The following DGKI variants were observed in gnomAD, a reference collection of about 807,000 sequenced individuals.
The protein encoded by DGKI is DAG kinase iota.
Under a neutral mutation model 147.5 loss-of-function variants are expected in DGKI, and 55 were observed. The observed-to-expected ratio is 0.37, with a 90% CI of 0.30 to 0.47. The LOEUF is 0.47. Ranked by LOEUF, DGKI falls within the 20% of genes least tolerant of loss-of-function variation. The probability of loss-of-function intolerance (pLI) is 1.00; values close to 1 mark genes in which losing one functional copy is unlikely to be tolerated. For missense variants in DGKI, 1,007 were observed against 1,323.8 expected, an observed-to-expected ratio of 0.76 and a Z score of 3.71; for synonymous variants, 469 against 477.1, an observed-to-expected ratio of 0.98 and a Z score of 0.22.
intron 2 of DGKI, among the ~76,000 whole-genome samples, chr7:137,679,812 A>C (rs2116399636): frequency 6.6e-6 from 1 of 151,824 alleles, no homozygotes; most frequent in South Asian, 2.1e-4. Flanking sequence ...ACATGGTGAA[A>C]CCTCATCTCA....
At chr7:137,678,464 G>T in intron 3 of DGKI, 93 bp downstream of exon 3, 1 of 1,256,822 alleles carries the variant, frequency 8.0e-7, no homozygotes, top group Non-Finnish European at 1.2e-6. Flanking sequence ...GGACAGGCTC[G>T]TTCAAACCTC....
intron 1 of DGKI, among the ~76,000 whole-genome samples, chr7:137,826,014 T>C (rs150660101): frequency 7.7e-4 from 118 of 152,346 alleles, no homozygotes; most frequent in African/African-American, 2.7e-3. Context: ...TTATTAACAA[T>C]TGGATTTAGT....
At chr7:137,781,654 C>A (rs1266975422) in intron 1 of DGKI, among the ~76,000 whole-genome samples, 1 of 152,208 alleles carries the variant, frequency 6.6e-6, no homozygotes, top group Admixed American at 6.5e-5. Flanking sequence ...AATTCTAAAT[C>A]AACTCCAGTG....
At chr7:137,556,985 G>A (rs1415087986) in intron 19 of DGKI, among the ~76,000 whole-genome samples, 1 of 151,394 alleles carries the variant, frequency 6.6e-6, no homozygotes, top group Non-Finnish European at 1.5e-5. Context: ...ACTCTAAAAA[G>A]AAAAAAGAAG....
intron 21 of DGKI, among the ~76,000 whole-genome samples, chr7:137,517,279 A>AAAAGAAAGAAAG (rs3051933): frequency 0.023 from 1,821 of 79,678 alleles, 35 homozygotes; most frequent in East Asian, 0.033. Context: ...AAAGAAAAGA[A>AAAAGAAAGAAAG]AAAGAAAGAA....
At chr7:137,591,291 A>G (rs1819601151) in intron 12 of DGKI, among the ~76,000 whole-genome samples, 1 of 152,120 alleles carries the variant, frequency 6.6e-6, no homozygotes, top group African/African-American at 2.4e-5. Flanking sequence ...CAAATATGTC[A>G]TTGTCTCCTG....
chr7:137,768,081 T>C (rs1295647415), intron 1 of DGKI, among the ~76,000 whole-genome samples: 1 of 152,094 alleles, frequency 6.6e-6, no homozygotes, highest in Non-Finnish European at 1.5e-5. Context: ...TTGATCTACA[T>C]ATATGAGGAA....
chr7:137,667,846 T>C (rs1473448330), intron 3 of DGKI, among the ~76,000 whole-genome samples: 1 of 152,168 alleles, frequency 6.6e-6, no homozygotes, highest in Non-Finnish European at 1.5e-5. Flanking sequence ...ATGTTTTCAC[T>C]GACACATACA....
intron 3 of DGKI, among the ~76,000 whole-genome samples, chr7:137,670,014 A>T (rs1822785479): frequency 6.6e-6 from 1 of 152,180 alleles, no homozygotes; most frequent in African/African-American, 2.4e-5. Flanking sequence ...TCCACTCAAA[A>T]AAAAAGTAGG....
intron 21 of DGKI, among the ~76,000 whole-genome samples, chr7:137,519,727 G>C (rs771159871): frequency 1.3e-5 from 2 of 152,044 alleles, no homozygotes; most frequent in Non-Finnish European, 2.9e-5. Context: ...CCAGGCAAAA[G>C]AGTAAAGGTT....
At chr7:137,640,303 G>C (rs1006651303) in intron 6 of DGKI, among the ~76,000 whole-genome samples, 1 of 152,168 alleles carries the variant, frequency 6.6e-6, no homozygotes, top group South Asian at 2.1e-4. Flanking sequence ...TAGGAGCAGA[G>C]AGTAGAACAG....
At chr7:137,724,356 T>C (rs1300148664) in intron 1 of DGKI, among the ~76,000 whole-genome samples, 1 of 152,148 alleles carries the variant, frequency 6.6e-6, no homozygotes, top group Non-Finnish European at 1.5e-5. Flanking sequence ...CATCTTTATG[T>C]TTTCAAGGGT....
At chr7:137,650,076 TTAGTAG>T (rs1486399818) in intron 5 of DGKI, among the ~76,000 whole-genome samples, 4 of 152,196 alleles carry the variant, frequency 2.6e-5, no homozygotes, top group African/African-American at 9.6e-5. Flanking sequence ...AACATCTGAA[TTAGTAG>T]TAGTAAGAAT....
At chr7:137,607,453 A>C (rs1204401682) in intron 10 of DGKI, among the ~76,000 whole-genome samples, 1 of 152,210 alleles carries the variant, frequency 6.6e-6, no homozygotes, top group Non-Finnish European at 1.5e-5. Context: ...ATTTACACAT[A>C]GACTGGAATA....
intron 21 of DGKI, among the ~76,000 whole-genome samples, chr7:137,492,652 A>C (rs1815810538): frequency 6.6e-6 from 1 of 152,114 alleles, no homozygotes; most frequent in Admixed American, 6.5e-5. Context: ...GCCAGTGTGG[A>C]GCCCAGAGGG....
chr7:137,821,358 G>GA (rs1008191452), intron 1 of DGKI, among the ~76,000 whole-genome samples: 2 of 151,740 alleles, frequency 1.3e-5, no homozygotes, highest in African/African-American at 4.8e-5. Flanking sequence ...TGGAATGCTT[G>GA]AAAAAAAGAT....
chr7:137,422,902 C>G (rs1487272058), intron 28 of DGKI, among the ~76,000 whole-genome samples: 1 of 152,060 alleles, frequency 6.6e-6, no homozygotes, highest in Non-Finnish European at 1.5e-5. Flanking sequence ...CCGCGCCCAC[C>G]CTTGTAAAGC....
intron 26 of DGKI, among the ~76,000 whole-genome samples, chr7:137,464,032 C>G (rs553762240): frequency 2.0e-4 from 31 of 151,942 alleles, no homozygotes; most frequent in Non-Finnish European, 4.4e-4. Context: ...ATTTTTGGAG[C>G]TAGAGCTAAC....
chr7:137,760,540 C>T (rs191083760), intron 1 of DGKI, among the ~76,000 whole-genome samples: 46 of 152,184 alleles, frequency 3.0e-4, no homozygotes, highest in African/African-American at 1.1e-3. Flanking sequence ...TGGATTTTAT[C>T]GGGAGGGTTT....
Sources: allele counts gnomAD v4.1 joint callset (sites outside exome capture counted in the v4.1 genomes callset), GRCh38; gene constraint gnomAD v4.1.1; transcripts MANE v1.5; gene names NCBI Gene and HGNC (gene_info 2026-07-23, HGNC 2026-07-21).